Variants in KCNH8 observed in about 807,000 individuals in gnomAD.
KCNH8 encodes potassium voltage-gated channel subfamily H member 8.
In KCNH8, 70 loss-of-function variants were observed where a neutral mutation model predicts 103.6. The ratio of observed to expected loss-of-function variants is 0.68; its 90% CI spans 0.56 to 0.82. KCNH8 has a LOEUF of 0.82. Ranked by LOEUF, KCNH8 falls within the 40% of genes least tolerant of loss-of-function variation. The pLI is 0.00. For synonymous variants in KCNH8, 498 were observed against 489.4 expected (o/e 1.02, Z -0.23); for missense variants, 1,217 against 1,329.9 (o/e 0.92, Z 1.32).
chr3:19,429,157 CCA>C (rs1387315995), intron 7 of KCNH8, among the ~76,000 whole-genome samples: 1 of 141,640 alleles, frequency 7.1e-6, no homozygotes, highest in Non-Finnish European at 1.5e-5. Context: ...GAGTCAGAAT[CCA>C]CTCTTTTTTT....
chr3:19,451,460 A>C (rs1404049876), intron 10 of KCNH8, 56 bp downstream of exon 10: 1 of 1,549,252 alleles, frequency 6.5e-7, no homozygotes, highest in Non-Finnish European at 8.9e-7. Flanking sequence ...TAAATTAAGA[A>C]GATGAAATGG....
intron 11 of KCNH8, among the ~76,000 whole-genome samples, chr3:19,485,575 A>G (rs1423707475): frequency 6.6e-6 from 1 of 152,182 alleles, no homozygotes; most frequent in East Asian, 1.9e-4. Flanking sequence ...TGGCACAGCT[A>G]CCTTCCTATC....
Position 19,266,392 on chromosome 3 carries a change from T to C in KCNH8, c.310+12505T>C, listed in dbSNP as rs868164473. Among the ~76,000 whole-genome samples, 8 of 152,256 alleles carry C rather than the reference T, an allele frequency of 5.3e-5. No individual in the cohort carries two copies. The South Asian group carries it at 1.2e-3, about 24-fold the overall frequency. On this transcript the variant is annotated intron_variant, in intron 2 of 15. Transcript: ENST00000328405. The stretch of plus-strand genomic sequence containing the variant: ...TCGGTGTTCCCCCTGCCAGGAATGC[T>C]ACTCCCCACTTCCAAATTCCATCCT...
chr3:19,461,469 C>T (rs1167633039), intron 11 of KCNH8, among the ~76,000 whole-genome samples: 1 of 152,102 alleles, frequency 6.6e-6, no homozygotes, highest in Admixed American at 6.6e-5. Flanking sequence ...TAGAAGCAAG[C>T]CCCTTTCCTT....
At chr3:19,437,729 GAC>G (rs1396279359) in intron 7 of KCNH8, among the ~76,000 whole-genome samples, 2 of 152,192 alleles carry the variant, frequency 1.3e-5, no homozygotes, top group Non-Finnish European at 2.9e-5. Context: ...TCTCACCTCT[GAC>G]ATCTAGACTT....
chr3:19,485,534 C>T lies in KCNH8; in HGVS notation c.2041-24829C>T, dbSNP rs7619136. ...GACCTTAGATGAGTAGTTTTGTGCA[C>T]GGCCAATACGATTGTGGCTCCCAGA... On this transcript the variant is annotated intron_variant, in intron 11 of 15. Coordinates refer to ENST00000328405, the MANE Select transcript of KCNH8 (RefSeq NM_144633.3). Among the ~76,000 whole-genome samples the T allele has an allele frequency of 1.7e-3, 254 of 152,296 alleles. 1 individual carries two copies. The highest frequency in any genetic ancestry group is 5.1e-3 in the African/African-American group (213 of 41,558).
chr3:19,206,451 A>G (rs2063718030), intron 1 of KCNH8, among the ~76,000 whole-genome samples: 1 of 151,812 alleles, frequency 6.6e-6, no homozygotes, highest in Admixed American at 6.6e-5. Flanking sequence ...GGGATCTGTC[A>G]TGCAAGGACT....
intron 3 of KCNH8, among the ~76,000 whole-genome samples, chr3:19,311,579 A>G (rs2065209088): frequency 1.3e-5 from 2 of 151,806 alleles, no homozygotes; most frequent in South Asian, 4.1e-4. Flanking sequence ...TCCTACACCC[A>G]GAAACATATC....
rs545884782 is a variant in KCNH8 at position 19,292,201 on chromosome 3, T to C, written c.442+10872T>C. The stretch of plus-strand genomic sequence containing the variant: ...AGATTTGCTTTGGAATGTTGGTTGA[T>C]GCTGGCTTATTCATTATGTGATAAC... On this transcript the variant is annotated intron_variant, in intron 3 of 15. Coordinates refer to ENST00000328405, the MANE Select transcript of KCNH8 (RefSeq NM_144633.3). Among the ~76,000 whole-genome samples the C allele has an allele frequency of 2.0e-5, 3 of 152,352 alleles. No homozygotes were observed. The South Asian group carries it at 6.2e-4, about 32-fold the overall frequency.
chr3:19,156,759 G>A (rs1226792952), intron 1 of KCNH8, among the ~76,000 whole-genome samples: 1 of 152,020 alleles, frequency 6.6e-6, no homozygotes, highest in Non-Finnish European at 1.5e-5. Flanking sequence ...AGCTATTATA[G>A]TGATATCATT....
chr3:19,513,107 C>A lies in KCNH8; in HGVS notation c.2217C>A (p.Asn739Lys), dbSNP rs1374101788. 6.2e-7 allele frequency: 1 copy of A among 1,613,876 alleles called. No homozygotes were observed. The highest frequency in any genetic ancestry group is 1.7e-5 in the Admixed American group (1 of 59,916). ...PICTRGSSSR[N>K]KKVGSNKAYL... ...GCACAAGGGGATCTTCTTCGCGCAA[C>A]AAGAAGGTTGGAAGCAATAAAGCCT... The change falls in exon 13 of 16, where the codon AAC (asparagine) becomes AAA (lysine). Residue 739 changes from asparagine (N) to lysine (K), a missense_variant. Physicochemically the swap from Asn to Lys is moderately conservative, Grantham distance 94. Transcript: ENST00000328405.
intron 5 of KCNH8, among the ~76,000 whole-genome samples, chr3:19,388,780 C>A (rs2066393794): frequency 6.6e-6 from 1 of 152,044 alleles, no homozygotes; most frequent in African/African-American, 2.4e-5. Flanking sequence ...ACCCAAAGTC[C>A]TGAACTGGAA....
In KCNH8 at chr3:19,354,349, G is replaced by A. The variant is rs568720038; in HGVS notation, c.811+6384G>A. On this transcript the variant is annotated intron_variant, in intron 5 of 15. Transcript: ENST00000328405. ...CAATGCTATCCCCATCAAGCTACCA[G>A]TGACTTTCTTCACAGAATTGGAAAA... is the stretch of plus-strand genomic sequence containing the variant. Among the ~76,000 whole-genome samples the A allele has an allele frequency of 4.7e-3, 720 of 152,136 alleles. 6 individuals carry two copies. Among genetic ancestry groups the A allele is most frequent in the African/African-American group, 0.016 (668 of 41,524 alleles).
intron 1 of KCNH8, among the ~76,000 whole-genome samples, chr3:19,173,763 C>G (rs1212711519): frequency 2.6e-5 from 4 of 152,094 alleles, no homozygotes; most frequent in Non-Finnish European, 4.4e-5. Context: ...AATAAATTCA[C>G]ATAACAAAGG....
intron 7 of KCNH8, among the ~76,000 whole-genome samples, chr3:19,412,926 C>T (rs2066804023): frequency 6.6e-6 from 1 of 151,894 alleles, no homozygotes; most frequent in African/African-American, 2.4e-5. Context: ...GCAATGTAAA[C>T]TAGCTTAGCC....
At chr3:19,213,778 G>T (rs2063792200) in intron 1 of KCNH8, among the ~76,000 whole-genome samples, 1 of 152,164 alleles carries the variant, frequency 6.6e-6, no homozygotes, top group Admixed American at 6.5e-5. Context: ...GGTGCTAGAG[G>T]GACAATAGAG....
intron 5 of KCNH8, among the ~76,000 whole-genome samples, chr3:19,355,660 A>C (rs566788843): frequency 6.6e-6 from 1 of 152,126 alleles, no homozygotes; most frequent in Non-Finnish European, 1.5e-5. Context: ...CCATGTTCTC[A>C]CTCGTAGGTG....
chr3:19,324,023 A>G (rs1270711016), intron 3 of KCNH8, among the ~76,000 whole-genome samples: 3 of 152,138 alleles, frequency 2.0e-5, no homozygotes, highest in African/African-American at 7.2e-5. Context: ...CATCAGCTGT[A>G]GTAGTATAGG....
chr3:19,276,396 T>C (rs979752355), intron 2 of KCNH8, among the ~76,000 whole-genome samples: 1 of 152,124 alleles, frequency 6.6e-6, no homozygotes, highest in African/African-American at 2.4e-5. Flanking sequence ...TGGGATATTA[T>C]GTTATTGTTG....
Sources: gnomAD v4.1 joint callset for allele counts (sites outside exome capture counted in the v4.1 genomes callset) on GRCh38, gnomAD v4.1.1 for gene constraint, MANE v1.5 for transcripts, NCBI Gene and HGNC (gene_info 2026-07-23, HGNC 2026-07-21) for gene names.